Variants in TENM2 observed in about 807,000 individuals in gnomAD.
The protein encoded by TENM2 is teneurin transmembrane protein 2, also known as teneurin-2.
In TENM2, 52 loss-of-function variants were observed where a neutral mutation model predicts 245.2. That is an observed-to-expected ratio of 0.21 (90% confidence interval 0.17 to 0.27). TENM2 has a LOEUF of 0.27. TENM2 is among the 10% of genes least tolerant of loss of function. The pLI, the probability that TENM2 is intolerant of heterozygous loss-of-function variation, is 1.00. For synonymous variants in TENM2, 1,363 were observed against 1,438.9 expected, an observed-to-expected ratio of 0.95 and a Z score of 1.19; for missense variants, 3,046 against 3,666.8, an observed-to-expected ratio of 0.83 and a Z score of 4.37.
At chr5:167,115,034 CA>C in the TENM2 span, among the ~76,000 whole-genome samples, 1 of 152,020 alleles carries the variant, frequency 6.6e-6, no homozygotes, top group Non-Finnish European at 1.5e-5. Context: ...CCTGGATTTG[CA>C]AAAAACAAAG....
intron 12 of TENM2, chr5:168,129,384 A>G (rs912075224): frequency 1.2e-4 from 18 of 152,268 alleles, no homozygotes; most frequent in African/African-American, 4.3e-4. Context: ...TTGATATGCC[A>G]GCTAAAGCTC....
chr5:167,634,129 A>G (rs1036196694), intron 2 of TENM2, among the ~76,000 whole-genome samples: 1 of 152,220 alleles, frequency 6.6e-6, no homozygotes, highest in Non-Finnish European at 1.5e-5. Flanking sequence ...AAAAATCTCA[A>G]CAAGTGATGC....
chr5:167,955,947 C>T (rs1296751358), intron 4 of TENM2, among the ~76,000 whole-genome samples: 2 of 151,620 alleles, frequency 1.3e-5, no homozygotes, highest in Non-Finnish European at 3.0e-5. Flanking sequence ...ATCACTTGGC[C>T]GTATGGGCTC....
At chr5:167,842,013 T>G (rs1252769784) in intron 2 of TENM2, among the ~76,000 whole-genome samples, 1 of 152,180 alleles carries the variant, frequency 6.6e-6, no homozygotes, top group African/African-American at 2.4e-5. Flanking sequence ...ACACATTGTA[T>G]AGCCAAAAGA....
At chr5:167,149,712 C>T in the TENM2 span, among the ~76,000 whole-genome samples, 3 of 152,176 alleles carry the variant, frequency 2.0e-5, no homozygotes, top group African/African-American at 4.8e-5. Context: ...GAAGACTCAA[C>T]TCAATCAATT....
At chr5:167,462,569 G>C (rs993072885) in intron 2 of TENM2, among the ~76,000 whole-genome samples, 9 of 152,062 alleles carry the variant, frequency 5.9e-5, no homozygotes, top group Admixed American at 5.9e-4. Flanking sequence ...GGGATGGATG[G>C]GGAGCTGGAA....
chr5:167,108,648 A>G, the TENM2 span, among the ~76,000 whole-genome samples: 2 of 152,232 alleles, frequency 1.3e-5, no homozygotes, highest in Admixed American at 6.5e-5. Context: ...GTCCCAAACA[A>G]GAAGAATGCT....
intron 2 of TENM2, among the ~76,000 whole-genome samples, chr5:167,751,026 G>T (rs1761927584): frequency 6.6e-6 from 1 of 152,158 alleles, no homozygotes; most frequent in Non-Finnish European, 1.5e-5. Flanking sequence ...TTAGTAGAAG[G>T]TAGCCACAGG....
intron 5 of TENM2, among the ~76,000 whole-genome samples, chr5:168,024,093 G>T (rs1295178887): frequency 1.3e-5 from 2 of 152,162 alleles, no homozygotes; most frequent in Admixed American, 6.5e-5. Flanking sequence ...CAAGAAGTAT[G>T]TCTTATTACC....
chr5:167,179,997 C>T, the TENM2 span, among the ~76,000 whole-genome samples: 5 of 152,228 alleles, frequency 3.3e-5, no homozygotes, highest in East Asian at 1.9e-4. Flanking sequence ...GGAGAAGGAG[C>T]CAACTTGGGC....
chr5:167,021,908 G>C, the TENM2 span, among the ~76,000 whole-genome samples: 2 of 152,116 alleles, frequency 1.3e-5, no homozygotes, highest in African/African-American at 4.8e-5. Flanking sequence ...ACACTTCATA[G>C]AAACAAAAAG....
In TENM2 at chr5:168,098,013, A is replaced by G. The variant is rs1220060531; in HGVS notation, c.1712-13A>G. On this transcript the variant is annotated splice_polypyrimidine_tract_variant and intron_variant, in intron 8 of 28. Transcript: ENST00000518659. ...AGAGGAAAAGGTAAACACTACATTT[A>G]TCTCTTTTTCAGATTCAGTGCAGGA... 19 of 1,596,482 alleles carry G rather than the reference A, an allele frequency of 1.2e-5. No individual in the cohort carries two copies. The highest frequency in any genetic ancestry group is 1.5e-5 in the Non-Finnish European group (18 of 1,165,182).
intron 13 of TENM2, among the ~76,000 whole-genome samples, chr5:168,173,701 G>T (rs113739374): frequency 6.6e-6 from 1 of 152,016 alleles, no homozygotes; most frequent in Non-Finnish European, 1.5e-5. Context: ...CTCAAACTCC[G>T]CCCATAAAGA....
At chr5:168,061,985 T>C in intron 6 of TENM2, 75 bp from the exon 9 acceptor site, 1 of 1,320,924 alleles carries the variant, frequency 7.6e-7, no homozygotes. Flanking sequence ...AAACCTGGCA[T>C]GTAATTAAAC....
At chr5:166,980,616 A>T in the TENM2 span, among the ~76,000 whole-genome samples, 1 of 152,126 alleles carries the variant, frequency 6.6e-6, no homozygotes, top group Non-Finnish European at 1.5e-5. Context: ...TGAGTAGAAA[A>T]ACTGAAGGGC....
At chr5:167,234,107 G>A in the TENM2 span, among the ~76,000 whole-genome samples, 5 of 152,214 alleles carry the variant, frequency 3.3e-5, no homozygotes, top group East Asian at 7.7e-4. Context: ...TAAGTGGAGA[G>A]CTAGAAATAA....
At chr5:168,165,257 T>C (rs1758112434) in intron 13 of TENM2, 1 of 152,264 alleles carries the variant, frequency 6.6e-6, no homozygotes, top group Admixed American at 6.5e-5. Flanking sequence ...GCATTTTTTT[T>C]CAAGTCAGAA....
At chr5:168,155,755 A>G (rs12519707) in intron 12 of TENM2, among the ~76,000 whole-genome samples, 1 of 152,116 alleles carries the variant, frequency 6.6e-6, no homozygotes, top group Non-Finnish European at 1.5e-5. Flanking sequence ...AAAGCTTACC[A>G]CTAACTATGA....
chr5:167,451,896 T>G (rs1765609073), intron 2 of TENM2, among the ~76,000 whole-genome samples: 1 of 151,960 alleles, frequency 6.6e-6, no homozygotes, highest in South Asian at 2.1e-4. Context: ...TGATCCACCC[T>G]CCTCGGCCTC....
Sources: gnomAD v4.1 joint callset for allele counts (sites outside exome capture counted in the v4.1 genomes callset) on GRCh38, gnomAD v4.1.1 for gene constraint, MANE v1.5 for transcripts, NCBI Gene and HGNC (gene_info 2026-07-23, HGNC 2026-07-21) for gene names.